The following TRIOBP variants were observed in gnomAD, a reference collection of about 807,000 sequenced individuals.
The protein encoded by TRIOBP is TRIO and F-actin-binding protein.
A neutral mutation model predicts 238.8 loss-of-function variants in TRIOBP; 169 were observed. The ratio of observed to expected loss-of-function variants is 0.71; its 90% confidence interval spans 0.62 to 0.80. The LOEUF (loss-of-function observed/expected upper bound fraction) is 0.80, where lower values mean the gene tolerates loss of function less well. Ranked by LOEUF, TRIOBP falls within the 30% of genes least tolerant of loss-of-function variation. The probability of loss-of-function intolerance (pLI) is 0.00; values close to 1 mark genes in which losing one functional copy is unlikely to be tolerated. For synonymous variants in TRIOBP, 1,150 were observed against 1,274.4 expected, an observed-to-expected ratio of 0.90 and a Z score of 2.08; for missense variants, 2,838 against 3,122.6, an observed-to-expected ratio of 0.91 and a Z score of 2.17.
chr22:37,703,020 G>A (rs1320759713), intron 3 of TRIOBP, among the ~76,000 whole-genome samples: 1 of 150,854 alleles, frequency 6.6e-6, no homozygotes, highest in Admixed American at 6.6e-5. Flanking sequence ...CATTTGAGAC[G>A]GAGTCTCTCT....
Sources: gnomAD v4.1 joint callset for allele counts (sites outside exome capture counted in the v4.1 genomes callset) on GRCh38, gnomAD v4.1.1 for gene constraint, MANE v1.5 for transcripts, NCBI Gene and HGNC (gene_info 2026-07-23, HGNC 2026-07-21) for gene names.